The following CCDC148 variants were observed in gnomAD, a reference collection of about 807,000 sequenced individuals.
The protein encoded by CCDC148 is coiled-coil domain-containing protein 148.
A neutral mutation model predicts 85.7 loss-of-function variants in CCDC148; 89 were observed. The observed-to-expected ratio is 1.04, with a 90% CI of 0.87 to 1.24. CCDC148 has a LOEUF of 1.24. Ranked by LOEUF, CCDC148 falls within the 50% of genes most tolerant of loss-of-function variation. CCDC148 has a pLI of 0.00. For synonymous variants in CCDC148, 230 were observed against 213.9 expected, an observed-to-expected ratio of 1.08 and a Z score of -0.66; for missense variants, 692 against 671.7, an observed-to-expected ratio of 1.03 and a Z score of -0.33.
At chr2:158,317,004 A>G (rs1191589432) in intron 7 of CCDC148, among the ~76,000 whole-genome samples, 1 of 152,194 alleles carries the variant, frequency 6.6e-6, no homozygotes, top group Non-Finnish European at 1.5e-5. Context: ...AGCTGAAACT[A>G]AGGTTAGGTT....
intron 9 of CCDC148, among the ~76,000 whole-genome samples, chr2:158,255,516 C>T (rs1461658590): frequency 1.3e-5 from 2 of 151,652 alleles, no homozygotes; most frequent in East Asian, 3.9e-4. Context: ...TGGATGGCTT[C>T]CATGTGGAGA....
At chr2:158,375,585 T>C (rs1684617771) in intron 1 of CCDC148, among the ~76,000 whole-genome samples, 1 of 152,142 alleles carries the variant, frequency 6.6e-6, no homozygotes, top group African/African-American at 2.4e-5. Context: ...GGTACTAATA[T>C]TCATTCTACT....
intron 1 of CCDC148, among the ~76,000 whole-genome samples, chr2:158,406,613 C>A (rs200104001): frequency 6.4e-5 from 2 of 31,462 alleles, no homozygotes; most frequent in East Asian, 1.4e-3. Context: ...GATTAAATTT[C>A]TTTTTTTTTT....
Position 158,220,668 on chromosome 2 carries a change from C to T in CCDC148, c.1297G>A (p.Glu433Lys), listed in dbSNP as rs1439824757. The T allele has an allele frequency of 8.2e-6, 13 of 1,591,908 alleles. No homozygotes were observed. The highest frequency in any genetic ancestry group is 1.0e-5 in the Non-Finnish European group (12 of 1,174,890). ...TCTAGACGCTGAAGATCTCTCATTT[C>T]CATTTCTTGCCACTTCTGTTTTTTC... ...AKKKQKWQEM[E>K]MRDLQRLEEL... Residue 433 changes from glutamate (E) to lysine (K), a missense_variant, in exon 11 of 14, where the codon GAA (glutamate) becomes AAA (lysine). Coordinates refer to ENST00000283233, the MANE Select transcript of CCDC148 (RefSeq NM_138803.4).
intron 7 of CCDC148, among the ~76,000 whole-genome samples, chr2:158,319,532 T>C (rs1692429462): frequency 1.3e-5 from 2 of 152,186 alleles, no homozygotes; most frequent in South Asian, 2.1e-4. Context: ...TCATCTAAAT[T>C]GCAAGAAGGC....
At chr2:158,297,096 A>G (rs537781361) in intron 9 of CCDC148, among the ~76,000 whole-genome samples, 1 of 152,322 alleles carries the variant, frequency 6.6e-6, no homozygotes, top group African/African-American at 2.4e-5. Flanking sequence ...GCATAGCACA[A>G]TTGACCACAC....
chr2:158,456,556 G>A lies in CCDC148; in HGVS notation c.-117C>T. ...TAAGGGCTCAGCTGTTCCTACCTTTGACGCCAGGGACAAACCCTACCAGGC... is the reference window on the plus strand; with the variant it reads ...TAAGGGCTCAGCTGTTCCTACCTTTAACGCCAGGGACAAACCCTACCAGGC... On this transcript the variant is annotated 5_prime_UTR_variant, in exon 1 of 14. Coordinates refer to ENST00000283233, the MANE Select transcript of CCDC148 (RefSeq NM_138803.4). 7.8e-7 allele frequency: 1 copy of A among 1,288,718 alleles called. No homozygotes were observed. The highest frequency in any genetic ancestry group is 1.1e-6 in the Non-Finnish European group (1 of 942,092). 79.8% of individuals were successfully genotyped at this position (1,288,718 alleles called of 1,614,324 possible).
chr2:158,268,551 G>A (rs1689570824), intron 9 of CCDC148, among the ~76,000 whole-genome samples: 1 of 152,090 alleles, frequency 6.6e-6, no homozygotes, highest in Admixed American at 6.5e-5. Flanking sequence ...AATCAAGTTA[G>A]TTAACACATT....
chr2:158,217,289 C>A (rs1417457755), intron 11 of CCDC148, among the ~76,000 whole-genome samples: 2 of 133,680 alleles, frequency 1.5e-5, no homozygotes, highest in African/African-American at 5.6e-5. Flanking sequence ...TGTGGTTCAA[C>A]CTATCATTTT....
chr2:158,213,965 A>G (rs1327783074), intron 11 of CCDC148, among the ~76,000 whole-genome samples: 1 of 152,022 alleles, frequency 6.6e-6, no homozygotes, highest in African/African-American at 2.4e-5. Flanking sequence ...AAAGAGAGAC[A>G]GTTTAGCTTT....
chr2:158,370,256 C>T (rs529216915), intron 1 of CCDC148, among the ~76,000 whole-genome samples: 5 of 151,838 alleles, frequency 3.3e-5, no homozygotes, highest in Admixed American at 6.6e-5. Flanking sequence ...GTAACAAACC[C>T]GCATGTCCTG....
chr2:158,361,249 C>T (rs1176551397), intron 1 of CCDC148, among the ~76,000 whole-genome samples: 2 of 152,020 alleles, frequency 1.3e-5, no homozygotes, highest in Admixed American at 1.3e-4. Flanking sequence ...GGAATGCACT[C>T]TTCAGGATAT....
At chr2:158,197,809 C>T (rs969340692) in intron 11 of CCDC148, among the ~76,000 whole-genome samples, 3 of 152,052 alleles carry the variant, frequency 2.0e-5, no homozygotes, top group East Asian at 1.9e-4. Context: ...CTGGAATTTG[C>T]TAAATCTCTG....
rs1375771004 is a variant in CCDC148, at chr2:158,354,896, C to A, written c.147+3553G>T. ...TTATCCACCATGATCAAGTGGGCAT[C>A]ATCCCTGGGATGCAAGGCTGGTTCA... On this transcript the variant is annotated intron_variant, in intron 2 of 13. Coordinates refer to ENST00000283233, the MANE Select transcript of CCDC148 (RefSeq NM_138803.4). 4.6e-5 allele frequency among the ~76,000 whole-genome samples: 7 copies of A among 151,936 alleles called. No homozygotes were observed. In the East Asian group the frequency reaches 9.7e-4, roughly 21 times the overall value.
chr2:158,405,789 A>G (rs963456971), intron 1 of CCDC148, among the ~76,000 whole-genome samples: 4 of 152,186 alleles, frequency 2.6e-5, no homozygotes, highest in African/African-American at 9.6e-5. Context: ...TATTGACATT[A>G]ATTGCATTTA....
At chr2:158,220,798 G>A (rs756918506) in intron 10 of CCDC148, 85 bp from the exon 11 acceptor site, 71 of 1,024,176 alleles carry the variant, frequency 6.9e-5, no homozygotes, top group African/African-American at 2.5e-4. Context: ...CCACTGGTTC[G>A]TATTACAAAA....
chr2:158,425,396 G>A (rs768648599), intron 1 of CCDC148: 1 of 382,010 alleles, frequency 2.6e-6, no homozygotes, highest in Non-Finnish European at 5.1e-6. Context: ...GATCTAAGAT[G>A]ATTATTTTGT....
At chr2:158,227,868 A>G (rs1306292563) in intron 10 of CCDC148, among the ~76,000 whole-genome samples, 1 of 152,212 alleles carries the variant, frequency 6.6e-6, no homozygotes, top group Admixed American at 6.5e-5. Context: ...AAGAAAACCT[A>G]GGCAATACCA....
intron 9 of CCDC148, among the ~76,000 whole-genome samples, chr2:158,266,471 T>A (rs1689458251): frequency 6.6e-6 from 1 of 152,184 alleles, no homozygotes. Context: ...CTTTTTAAAT[T>A]TTTTAATTTA....
Sources: allele counts gnomAD v4.1 joint callset (sites outside exome capture counted in the v4.1 genomes callset), GRCh38; gene constraint gnomAD v4.1.1; transcripts MANE v1.5; gene names NCBI Gene and HGNC (gene_info 2026-07-23, HGNC 2026-07-21).